LYPLAL1: variants seen among roughly 807,000 people sequenced by gnomAD.
LYPLAL1 encodes lysophospholipase like 1.
A neutral mutation model predicts 19.7 loss-of-function variants in LYPLAL1; 23 were observed. The observed-to-expected ratio is 1.17, with a 90% CI of 0.84 to 1.65. The LOEUF (loss-of-function observed/expected upper bound fraction) is 1.65, where lower values mean the gene tolerates loss of function less well. Ranked by LOEUF, LYPLAL1 falls within the 40% of genes most tolerant of loss-of-function variation. The pLI is 0.00. For missense variants in LYPLAL1, 355 were observed against 279.4 expected (o/e 1.27, Z -1.93); for synonymous variants, 119 against 96.3 (o/e 1.24, Z -1.38).
the LYPLAL1 span, among the ~76,000 whole-genome samples, chr1:219,323,077 AT>A: frequency 1.3e-5 from 2 of 152,204 alleles, no homozygotes; most frequent in African/African-American, 4.8e-5. Context: ...TAGCTAAACA[AT>A]TCAAGACCTA....
At chr1:219,278,610 TA>T in the LYPLAL1 span, among the ~76,000 whole-genome samples, 2 of 152,314 alleles carry the variant, frequency 1.3e-5, no homozygotes, top group East Asian at 3.9e-4. Flanking sequence ...ATTCCCTCTC[TA>T]AAGTCAGTGA....
chr1:219,231,149 A>C, the LYPLAL1 span, among the ~76,000 whole-genome samples: 3 of 152,232 alleles, frequency 2.0e-5, no homozygotes, highest in African/African-American at 4.8e-5. Flanking sequence ...AATTTTAAGT[A>C]AATCATCTTT....
the LYPLAL1 span, among the ~76,000 whole-genome samples, chr1:219,234,165 G>A: frequency 6.6e-6 from 1 of 152,146 alleles, no homozygotes; most frequent in South Asian, 2.1e-4. Context: ...ATGAATTTAT[G>A]TATGTGTGTT....
At chr1:219,324,812 T>C in the LYPLAL1 span, among the ~76,000 whole-genome samples, 1 of 152,194 alleles carries the variant, frequency 6.6e-6, no homozygotes, top group Non-Finnish European at 1.5e-5. Context: ...AAGTTATTGC[T>C]CTAACTGATG....
the LYPLAL1 span, among the ~76,000 whole-genome samples, chr1:219,307,392 C>G: frequency 6.6e-6 from 1 of 152,126 alleles, no homozygotes; most frequent in East Asian, 1.9e-4. Context: ...CAAGTCCCTG[C>G]ATCAACTAGA....
the LYPLAL1 span, among the ~76,000 whole-genome samples, chr1:219,371,753 G>A: frequency 1.4e-5 from 2 of 144,696 alleles, no homozygotes; most frequent in African/African-American, 4.9e-5. Context: ...TTCTCTGTAT[G>A]TCACTTTCCT....
the LYPLAL1 span, among the ~76,000 whole-genome samples, chr1:219,375,757 G>A: frequency 3.6e-5 from 5 of 139,630 alleles, no homozygotes; most frequent in South Asian, 2.2e-4. Flanking sequence ...TTTTTTTGGC[G>A]TGGGGGCAGA....
intron 3 of LYPLAL1, among the ~76,000 whole-genome samples, chr1:219,205,627 T>C (rs1176972570): frequency 1.3e-5 from 2 of 152,138 alleles, no homozygotes; most frequent in African/African-American, 2.4e-5. Flanking sequence ...TGGGTGTATA[T>C]TAATTTTGCA....
the LYPLAL1 span, among the ~76,000 whole-genome samples, chr1:219,314,100 C>A: frequency 6.6e-6 from 1 of 152,176 alleles, no homozygotes; most frequent in Non-Finnish European, 1.5e-5. Context: ...GTTCTGGTGT[C>A]AGTTTTCTTA....
the LYPLAL1 span, among the ~76,000 whole-genome samples, chr1:219,402,643 C>CA: frequency 0.45 from 46,083 of 101,460 alleles, 8,053 homozygotes; most frequent in East Asian, 0.59. Flanking sequence ...TACCAGAAAC[C>CA]AAAAAAAAAA....
the LYPLAL1 span, among the ~76,000 whole-genome samples, chr1:219,249,364 A>G: frequency 6.6e-6 from 1 of 152,052 alleles, no homozygotes; most frequent in Non-Finnish European, 1.5e-5. Flanking sequence ...AGATTCATTC[A>G]TAATACTGAA....
chr1:219,343,479 C>G, the LYPLAL1 span, among the ~76,000 whole-genome samples: 1 of 152,134 alleles, frequency 6.6e-6, no homozygotes, highest in African/African-American at 2.4e-5. Flanking sequence ...ACTTAATTAA[C>G]CTGAGGTTAA....
chr1:219,183,348 T>A (rs1308232937), intron 2 of LYPLAL1, among the ~76,000 whole-genome samples: 2 of 152,194 alleles, frequency 1.3e-5, no homozygotes, highest in East Asian at 3.9e-4. Context: ...TTGTTGGATA[T>A]ATGAATACAA....
chr1:219,381,679 A>G, the LYPLAL1 span, among the ~76,000 whole-genome samples: 1 of 152,218 alleles, frequency 6.6e-6, no homozygotes, highest in Non-Finnish European at 1.5e-5. Flanking sequence ...GTGCCCTTTT[A>G]AAGGCATTTG....
At chr1:219,176,613 C>G (rs1257086890) in intron 1 of LYPLAL1, among the ~76,000 whole-genome samples, 1 of 152,230 alleles carries the variant, frequency 6.6e-6, no homozygotes, top group African/African-American at 2.4e-5. Flanking sequence ...TCATCCTCCT[C>G]TACCTGGCCA....
intron 1 of LYPLAL1, 33 bp downstream of exon 1, chr1:219,174,014 A>G (rs376866434): frequency 1.1e-5 from 17 of 1,613,326 alleles, no homozygotes; most frequent in Non-Finnish European, 1.4e-5. Context: ...GGTTTTCTAC[A>G]GCTCGGGAAA....
At chr1:219,320,395 C>T in the LYPLAL1 span, among the ~76,000 whole-genome samples, 1 of 152,006 alleles carries the variant, frequency 6.6e-6, no homozygotes, top group Admixed American at 6.6e-5. Flanking sequence ...TCTTGATCGT[C>T]AAGATTAATC....
At chr1:219,378,919 C>T in the LYPLAL1 span, among the ~76,000 whole-genome samples, 1 of 152,174 alleles carries the variant, frequency 6.6e-6, no homozygotes, top group African/African-American at 2.4e-5. Flanking sequence ...CCAGTAATCA[C>T]TTTACCAAGG....
chr1:219,257,095 T>C, the LYPLAL1 span, among the ~76,000 whole-genome samples: 4 of 152,032 alleles, frequency 2.6e-5, no homozygotes, highest in Admixed American at 1.3e-4. Flanking sequence ...ATGTTCTGTA[T>C]CCTTATGTTT....
Sources: gnomAD v4.1 joint callset for allele counts (sites outside exome capture counted in the v4.1 genomes callset) on GRCh38, gnomAD v4.1.1 for gene constraint, MANE v1.5 for transcripts, NCBI Gene and HGNC (gene_info 2026-07-23, HGNC 2026-07-21) for gene names.